GTPBP1: variants seen among roughly 807,000 people sequenced by gnomAD.
The protein encoded by GTPBP1 is GTP binding protein 1.
In GTPBP1, 23 loss-of-function variants were observed where a neutral mutation model predicts 62.0. The ratio of observed to expected loss-of-function variants is 0.37; its 90% CI spans 0.27 to 0.53. The LOEUF is 0.53. GTPBP1 is among the 20% of genes least tolerant of loss of function. The pLI is 0.89. For missense variants in GTPBP1, 640 were observed against 917.3 expected (o/e 0.70, Z 3.90); for synonymous variants, 344 against 364.4 (o/e 0.94, Z 0.64).
At chr22:38,722,841 G>T in intron 5 of GTPBP1, 1 of 1,548,744 alleles carries the variant, frequency 6.5e-7, no homozygotes, top group South Asian at 1.1e-5. Context: ...TTCTCCATGG[G>T]TTTCTACATA....
downstream of GTPBP1, chr22:38,741,430 A>C: frequency 6.6e-7 from 1 of 1,522,558 alleles, no homozygotes; most frequent in Non-Finnish European, 9.1e-7. Context: ...GAGGGGTCCG[A>C]GGTGAACATG....
intron 10 of GTPBP1, chr22:38,728,435 C>A: frequency 4.4e-6 from 2 of 449,762 alleles, no homozygotes; most frequent in South Asian, 5.4e-5. Flanking sequence ...CAGCCAGGCT[C>A]AGCCTCCAGG....
intron 2 of GTPBP1, among the ~76,000 whole-genome samples, chr22:38,711,875 T>G (rs2092642394): frequency 6.6e-6 from 1 of 152,040 alleles, no homozygotes; most frequent in African/African-American, 2.4e-5. Flanking sequence ...TATTAAGTAT[T>G]TTAAAATTAT....
chr22:38,739,831 C>G, downstream of GTPBP1: 1 of 1,613,614 alleles, frequency 6.2e-7, no homozygotes, highest in Non-Finnish European at 8.5e-7. This position sits in a 1 kb window ranked among gnomAD's most constrained non-coding sequence, Gnocchi z 6.7. Flanking sequence ...GAGGATCTTG[C>G]TCTCCAGCTC....
chr22:38,726,174 T>A lies in GTPBP1; in HGVS notation c.1218+24T>A. 6.2e-7 allele frequency: 1 copy of A among 1,609,238 alleles called. No individual in the cohort carries two copies. ...CGGTAAGTGGCTCTGGGCGGGTAGC[T>A]GGGTGGGCACTTCCTACAGTGGCAT... On this transcript the variant is annotated intron_variant, in intron 7 of 11. Transcript: ENST00000216044. The surrounding 1 kb of genome is among the most constrained non-coding windows in gnomAD (Gnocchi z 4.1).
At chr22:38,707,900 T>C (rs1178120785) in intron 1 of GTPBP1, among the ~76,000 whole-genome samples, 3 of 152,226 alleles carry the variant, frequency 2.0e-5, no homozygotes, top group Admixed American at 6.5e-5. Context: ...GAAAGGTTCA[T>C]GTCCTTACGA....
Position 38,727,232 on chromosome 22 carries a change from G to A in GTPBP1, c.1421G>A (p.Arg474Gln), listed in dbSNP as rs1252617618. The A allele has an allele frequency of 6.3e-7, 1 of 1,594,746 alleles. No individual in the cohort carries two copies. Among genetic ancestry groups the A allele is most frequent in the Non-Finnish European group, 8.5e-7 (1 of 1,170,696 alleles). The part of the protein sequence containing the change: ...ALKKIKRSSI[R>Q]KGMVMVSPRL... Reference sequence around the variant, plus strand: ...TTTCAGATCAAGCGCTCGTCCATCCGGAAGGGCATGGTGATGGTTTCCCCA... The same window carrying A: ...TTTCAGATCAAGCGCTCGTCCATCCAGAAGGGCATGGTGATGGTTTCCCCA... Residue 474 changes from arginine to glutamine, a missense_variant, in exon 9 of 12, where the codon CGG (arginine) becomes CAG (glutamine). Coordinates refer to ENST00000216044, the MANE Select transcript of GTPBP1 (RefSeq NM_004286.5). The surrounding 1 kb of genome is among the most constrained non-coding windows in gnomAD (Gnocchi z 6.5).
downstream of GTPBP1, chr22:38,736,323 G>T (rs1373718222): frequency 6.2e-7 from 1 of 1,613,912 alleles, no homozygotes; most frequent in Admixed American, 1.7e-5. Flanking sequence ...TACTCGGGGT[G>T]GCCCCAGTTA....
At chr22:38,722,573 C>T (rs541188265) in intron 5 of GTPBP1, among the ~76,000 whole-genome samples, 9 of 152,300 alleles carry the variant, frequency 5.9e-5, no homozygotes, top group Admixed American at 2.0e-4. Flanking sequence ...ATTCCTTATA[C>T]TAGCAACTAA....
At chr22:38,738,236 C>T, downstream of GTPBP1, 1 of 1,613,894 alleles carries the variant, frequency 6.2e-7, no homozygotes, top group Non-Finnish European at 8.5e-7. This position sits in a 1 kb window ranked among gnomAD's most constrained non-coding sequence, Gnocchi z 6.6. Flanking sequence ...CAAGGAGTGT[C>T]CCCTCCTGCT....
At chr22:38,733,797 T>G (rs1392521994), downstream of GTPBP1, among the ~76,000 whole-genome samples, 1 of 152,144 alleles carries the variant, frequency 6.6e-6, no homozygotes, top group African/African-American at 2.4e-5. Flanking sequence ...TTGGGGGAAG[T>G]ACCATGGAGC....
intron 2 of GTPBP1, among the ~76,000 whole-genome samples, chr22:38,711,711 T>A (rs1305479968): frequency 6.6e-6 from 1 of 151,942 alleles, no homozygotes; most frequent in Admixed American, 6.6e-5. Context: ...GGCGTGGTGG[T>A]GCACTGCTGT....
downstream of GTPBP1, chr22:38,741,164 T>C: frequency 8.5e-7 from 1 of 1,183,024 alleles, no homozygotes; most frequent in African/African-American, 1.5e-5. Context: ...GCCCAAGGTC[T>C]CTTGACCCCT....
downstream of GTPBP1, among the ~76,000 whole-genome samples, chr22:38,737,035 C>T (rs751107515): frequency 1.3e-5 from 2 of 152,122 alleles, no homozygotes; most frequent in South Asian, 2.1e-4. The surrounding 1 kb of genome is among the most constrained non-coding windows in gnomAD (Gnocchi z 4.1). Context: ...TTTGTAGAGT[C>T]GGGATCTCGC....
chr22:38,741,723 T>C, downstream of GTPBP1: 1 of 682,174 alleles, frequency 1.5e-6, no homozygotes, highest in Middle Eastern at 2.5e-4. Flanking sequence ...AGACTCCCGC[T>C]TCAGCTCCAC....
chr22:38,734,306 C>T (rs1207145743), downstream of GTPBP1: 6 of 466,952 alleles, frequency 1.3e-5, no homozygotes, highest in Admixed American at 2.4e-5. Context: ...AGGGACCTAC[C>T]TCCTTGTCCC....
intron 2 of GTPBP1, among the ~76,000 whole-genome samples, chr22:38,709,899 A>G (rs1329978665): frequency 6.6e-6 from 1 of 152,210 alleles, no homozygotes; most frequent in Non-Finnish European, 1.5e-5. Context: ...AGAACCTACT[A>G]TTTTAGAGGA....
At chr22:38,742,681 C>T (rs1408050364), downstream of GTPBP1, 3 of 1,267,808 alleles carry the variant, frequency 2.4e-6, no homozygotes, top group Admixed American at 8.2e-5. Flanking sequence ...CAGCATAAGG[C>T]CATGCAGGGC....
At chr22:38,740,701 A>G, downstream of GTPBP1, 2 of 579,016 alleles carry the variant, frequency 3.5e-6, no homozygotes, top group East Asian at 5.7e-5. This position sits in a 1 kb window ranked among gnomAD's most constrained non-coding sequence, Gnocchi z 4.8. Flanking sequence ...CTCCACAAGC[A>G]TGGACATCTG....
Sources: gnomAD v4.1 joint callset for allele counts (sites outside exome capture counted in the v4.1 genomes callset) on GRCh38, gnomAD v4.1.1 for gene constraint, Gnocchi (gnomAD v3.1) non-coding constraint, MANE v1.5 for transcripts, NCBI Gene and HGNC (gene_info 2026-07-23, HGNC 2026-07-21) for gene names.